The following SHLD2 variants were observed in gnomAD, a reference collection of about 807,000 sequenced individuals.
SHLD2 encodes RINN1-REV7-interacting novel NHEJ regulator 2.
SHLD2 carries 30 observed loss-of-function variants against 73.2 expected under a neutral mutation model. The observed-to-expected ratio is 0.41, with a 90% CI of 0.31 to 0.56. SHLD2 has a LOEUF of 0.56. SHLD2 is among the 20% of genes least tolerant of loss of function. The probability of loss-of-function intolerance (pLI) is 0.28; values close to 1 mark genes in which losing one functional copy is unlikely to be tolerated. For synonymous variants in SHLD2, 285 were observed against 370.1 expected (o/e 0.77, Z 2.64); for missense variants, 745 against 1,055.9 (o/e 0.71, Z 4.08).
chr10:87,113,379 C>G (rs1843052363), intron 2 of SHLD2, among the ~76,000 whole-genome samples: 1 of 152,180 alleles, frequency 6.6e-6, no homozygotes, highest in Non-Finnish European at 1.5e-5. Context: ...CCATACAATT[C>G]AGCCACAAGA....
intron 2 of SHLD2, among the ~76,000 whole-genome samples, chr10:87,102,566 A>T (rs1589421121): frequency 6.6e-6 from 1 of 151,974 alleles, no homozygotes; most frequent in African/African-American, 2.4e-5. Context: ...AAAATGAGCC[A>T]GGTGCAGTGG....
At chr10:87,183,187 G>A (rs1402767241) in intron 8 of SHLD2, among the ~76,000 whole-genome samples, 2 of 152,194 alleles carry the variant, frequency 1.3e-5, no homozygotes, top group Non-Finnish European at 2.9e-5. Flanking sequence ...TGTAGTGATT[G>A]GTAGGTAAAG....
At chr10:87,137,212 G>GA (rs956302291) in intron 2 of SHLD2, among the ~76,000 whole-genome samples, 25 of 152,114 alleles carry the variant, frequency 1.6e-4, no homozygotes, top group Admixed American at 1.1e-3. Context: ...AGATAATTAT[G>GA]AAAAAAATGC....
intron 2 of SHLD2, among the ~76,000 whole-genome samples, chr10:87,111,417 G>T (rs947138422): frequency 2.0e-5 from 3 of 151,678 alleles, no homozygotes; most frequent in African/African-American, 7.3e-5. Context: ...GAAGTAGACG[G>T]ATCACTTGAG....
At chr10:87,150,447 G>T (rs1266252676) in intron 2 of SHLD2, among the ~76,000 whole-genome samples, 3 of 151,874 alleles carry the variant, frequency 2.0e-5, no homozygotes, top group Admixed American at 1.3e-4. Context: ...TTATTTAAAT[G>T]GGGCAAGTTT....
At chr10:87,119,652 C>T (rs986570091) in intron 2 of SHLD2, among the ~76,000 whole-genome samples, 3 of 147,704 alleles carry the variant, frequency 2.0e-5, no homozygotes, top group African/African-American at 7.9e-5. Flanking sequence ...CCCAACTACT[C>T]GGGTAGTCCC....
At chr10:87,171,954 A>G (rs1398817110) in intron 6 of SHLD2, among the ~76,000 whole-genome samples, 1 of 152,204 alleles carries the variant, frequency 6.6e-6, no homozygotes, top group Non-Finnish European at 1.5e-5. Flanking sequence ...CTACACAAGA[A>G]TGTAGGTCAC....
At chr10:87,182,659 C>T (rs1348675095) in intron 8 of SHLD2, among the ~76,000 whole-genome samples, 1 of 151,916 alleles carries the variant, frequency 6.6e-6, no homozygotes, top group Non-Finnish European at 1.5e-5. Flanking sequence ...AGCAAAAAAC[C>T]CCAGCAGGTC....
At chr10:87,127,711 C>T (rs1305955521) in intron 2 of SHLD2, among the ~76,000 whole-genome samples, 1 of 151,142 alleles carries the variant, frequency 6.6e-6, no homozygotes, top group Non-Finnish European at 1.5e-5. Flanking sequence ...AGAAAAAACA[C>T]AACTGTGTTA....
At chr10:87,176,544 G>C (rs1847964324) in intron 7 of SHLD2, among the ~76,000 whole-genome samples, 2 of 152,202 alleles carry the variant, frequency 1.3e-5, no homozygotes, top group Non-Finnish European at 1.5e-5. Flanking sequence ...GCAAATATCT[G>C]AACTAGATTC....
chr10:87,185,602 A>G (rs1158540415), intron 8 of SHLD2, among the ~76,000 whole-genome samples: 1 of 152,052 alleles, frequency 6.6e-6, no homozygotes, highest in African/African-American at 2.4e-5. Flanking sequence ...TTTTTGTTGC[A>G]TGTGCTTTCG....
intron 2 of SHLD2, among the ~76,000 whole-genome samples, chr10:87,137,578 G>C (rs1844884899): frequency 6.6e-6 from 1 of 152,156 alleles, no homozygotes; most frequent in East Asian, 1.9e-4. Context: ...GATAATATCA[G>C]ATGGTCTAAC....
rs181828357 is a variant in SHLD2, at chr10:87,112,200, T to C, written c.-6+15211T>C. Reference sequence around the variant, plus strand: ...TTGCAGTGAATGGAGATTGCACCACTGCACTCCAGCCTGGGCGACAGAGCG... The same window carrying C: ...TTGCAGTGAATGGAGATTGCACCACCGCACTCCAGCCTGGGCGACAGAGCG... On this transcript the variant is annotated intron_variant, in intron 2 of 9. Coordinates refer to ENST00000298786, the MANE Select transcript of SHLD2 (RefSeq NM_001330112.2). Among the ~76,000 whole-genome samples the C allele has an allele frequency of 5.7e-3, 845 of 148,998 alleles. 6 individuals carry two copies. The highest frequency in any genetic ancestry group is 0.019 in the African/African-American group (751 of 40,280).
intron 8 of SHLD2, among the ~76,000 whole-genome samples, chr10:87,185,953 CT>C (rs1388873522): frequency 6.6e-6 from 1 of 152,094 alleles, no homozygotes; most frequent in African/African-American, 2.4e-5. Context: ...AGCAGTCCTC[CT>C]CACCTTGGCA....
At chr10:87,178,135 C>A (rs1250765765) in intron 7 of SHLD2, among the ~76,000 whole-genome samples, 2 of 140,934 alleles carry the variant, frequency 1.4e-5, no homozygotes, top group Non-Finnish European at 3.0e-5. Flanking sequence ...ACTTGGGAGG[C>A]TGAGGCAGGA....
At chr10:87,111,222 C>T (rs1263676063) in intron 2 of SHLD2, among the ~76,000 whole-genome samples, 1 of 151,972 alleles carries the variant, frequency 6.6e-6, no homozygotes, top group Non-Finnish European at 1.5e-5. Context: ...AGTACAGTGG[C>T]GCCATCATGG....
chr10:87,109,400 G>A (rs552259204), intron 2 of SHLD2, among the ~76,000 whole-genome samples: 57 of 151,636 alleles, frequency 3.8e-4, no homozygotes, highest in Non-Finnish European at 7.4e-4. Flanking sequence ...CTAGATTCAA[G>A]CGATTCTCCT....
rs1847617412 is a variant in SHLD2, at chr10:87,171,923, A to G, written c.1963+949A>G. Among the ~76,000 whole-genome samples the G allele has an allele frequency of 2.6e-5, 4 of 152,356 alleles. No individual in the cohort carries two copies. In the South Asian group the frequency reaches 8.3e-4, roughly 32 times the overall value. On this transcript the variant is annotated intron_variant, in intron 6 of 9. Coordinates refer to ENST00000298786, the MANE Select transcript of SHLD2 (RefSeq NM_001330112.2). The stretch of plus-strand genomic sequence containing the variant: ...ATCATTGACCACCATAGCCTGGCTG[A>G]GAACATGAGTCTAGTGCATGCTACA...
chr10:87,141,311 A>T (rs1049644342), intron 2 of SHLD2, among the ~76,000 whole-genome samples: 1 of 151,168 alleles, frequency 6.6e-6, no homozygotes, highest in Non-Finnish European at 1.5e-5. Flanking sequence ...TGTTACAATT[A>T]GAAGAAATAA....
Sources: allele counts gnomAD v4.1 joint callset (sites outside exome capture counted in the v4.1 genomes callset), GRCh38; gene constraint gnomAD v4.1.1; transcripts MANE v1.5; gene names NCBI Gene and HGNC (gene_info 2026-07-23, HGNC 2026-07-21).